Variants in SLC35F1 observed in about 807,000 individuals in gnomAD.
SLC35F1 encodes chromosome 6 open reading frame 169.
A neutral mutation model predicts 48.7 loss-of-function variants in SLC35F1; 14 were observed. The observed-to-expected ratio is 0.29, with a 90% confidence interval of 0.19 to 0.45. The LOEUF is 0.45. Ranked by LOEUF, SLC35F1 falls within the 20% of genes least tolerant of loss-of-function variation. The pLI is 1.00. For missense variants in SLC35F1, 404 were observed against 500.0 expected, an observed-to-expected ratio of 0.81 and a Z score of 1.83; for synonymous variants, 190 against 202.2, an observed-to-expected ratio of 0.94 and a Z score of 0.51.
At chr6:118,091,308 A>G (rs1213185905) in intron 1 of SLC35F1, among the ~76,000 whole-genome samples, 1 of 152,178 alleles carries the variant, frequency 6.6e-6, no homozygotes, top group African/African-American at 2.4e-5. Flanking sequence ...TGTAGTTCTT[A>G]TAGTCCCTGT....
intron 1 of SLC35F1, among the ~76,000 whole-genome samples, chr6:118,033,982 A>C (rs1772090636): frequency 6.6e-6 from 1 of 152,230 alleles, no homozygotes; most frequent in Non-Finnish European, 1.5e-5. Context: ...AGTTAACAGG[A>C]GGCAGCAGCT....
intron 1 of SLC35F1, among the ~76,000 whole-genome samples, chr6:118,144,587 T>TA (rs59175140): frequency 0.51 from 70,556 of 137,794 alleles, 18,365 homozygotes; most frequent in Middle Eastern, 0.62. Flanking sequence ...TCCCAGAACT[T>TA]AAAAAAAAAA....
chr6:117,933,501 A>C (rs771479615), intron 1 of SLC35F1, among the ~76,000 whole-genome samples: 4 of 152,214 alleles, frequency 2.6e-5, no homozygotes, highest in African/African-American at 4.8e-5. Context: ...CCTCCCAAAA[A>C]GAATAGTGGA....
chr6:118,039,808 G>GGTTTTTTTTTTTTTTTTT (rs1772187083), intron 1 of SLC35F1, among the ~76,000 whole-genome samples: 1 of 119,204 alleles, frequency 8.4e-6, no homozygotes, highest in African/African-American at 3.1e-5. Flanking sequence ...TGTTTTTTTT[G>GGTTTTTTTTTTTTTTTTT]TTTTTTTTTT....
rs370153586 is a variant in SLC35F1 at position 118,034,130 on chromosome 6, AT to A, written c.174-120307del. ...ACTTGTTATCCTAGCAAGGATAGCA[AT>A]TTTTTTTGTGTAAAGACAGAGTGTA... On this transcript the variant is annotated intron_variant, in intron 1 of 7. Coordinates refer to ENST00000360388, the MANE Select transcript of SLC35F1 (RefSeq NM_001029858.4). Among the ~76,000 whole-genome samples, 529 of 152,134 alleles carry A rather than the reference AT, an allele frequency of 3.5e-3. 4 individuals are homozygous for A. The highest frequency in any genetic ancestry group is 0.012 in the African/African-American group (512 of 41,508).
intron 1 of SLC35F1, among the ~76,000 whole-genome samples, chr6:117,990,536 C>G (rs17079611): frequency 6.6e-6 from 1 of 152,154 alleles, no homozygotes; most frequent in African/African-American, 2.4e-5. Flanking sequence ...TAGTGCAGCT[C>G]AAGGCAACTC....
intron 1 of SLC35F1, among the ~76,000 whole-genome samples, chr6:118,055,950 G>A (rs960425480): frequency 1.3e-5 from 2 of 152,204 alleles, no homozygotes; most frequent in African/African-American, 4.8e-5. Flanking sequence ...CCTGTAGTCA[G>A]CATTTCAGAA....
At chr6:118,260,530 T>A (rs1013452626) in intron 3 of SLC35F1, among the ~76,000 whole-genome samples, 5 of 152,080 alleles carry the variant, frequency 3.3e-5, no homozygotes, top group Admixed American at 3.3e-4. Context: ...AGGGACAGTT[T>A]TATCTACCTT....
chr6:118,205,813 G>A (rs145432764), intron 2 of SLC35F1, among the ~76,000 whole-genome samples: 44 of 152,308 alleles, frequency 2.9e-4, no homozygotes, highest in African/African-American at 1.0e-3. Context: ...ACAAAAGAAT[G>A]ATATTTTCAT....
chr6:118,174,811 A>G (rs961745640), intron 2 of SLC35F1, among the ~76,000 whole-genome samples: 2 of 152,144 alleles, frequency 1.3e-5, no homozygotes, highest in Non-Finnish European at 2.9e-5. Context: ...AAAAAAATGC[A>G]TTACACAAAG....
At chr6:118,244,870 C>T (rs1775486843) in intron 3 of SLC35F1, among the ~76,000 whole-genome samples, 1 of 152,160 alleles carries the variant, frequency 6.6e-6, no homozygotes, top group Admixed American at 6.5e-5. Context: ...AAAAATATAT[C>T]AAACGTTTGA....
At chr6:117,921,053 GACACACACACACACACACACACACAC>G (rs60793418) in intron 1 of SLC35F1, among the ~76,000 whole-genome samples, 1 of 149,392 alleles carries the variant, frequency 6.7e-6, no homozygotes, top group East Asian at 2.0e-4. Flanking sequence ...ATTTCTCTTT[GACACACACACACACACACACACACAC>G]ACACACACAC....
chr6:118,008,637 C>A (rs1240568716), intron 1 of SLC35F1, among the ~76,000 whole-genome samples: 1 of 152,128 alleles, frequency 6.6e-6, no homozygotes, highest in Non-Finnish European at 1.5e-5. Flanking sequence ...ATTTAGCTCA[C>A]AATTCAGGAT....
chr6:117,911,416 TCCCTCCCTC>T (rs1775761914), intron 1 of SLC35F1, among the ~76,000 whole-genome samples: 1 of 15,950 alleles, frequency 6.3e-5, no homozygotes, highest in African/African-American at 2.5e-4. Context: ...CCTCCCTCCC[TCCCTCCCTC>T]CCTTCCTTCC....
chr6:118,063,676 G>T (rs979023148), intron 1 of SLC35F1, among the ~76,000 whole-genome samples: 3 of 151,936 alleles, frequency 2.0e-5, no homozygotes, highest in Non-Finnish European at 2.9e-5. Flanking sequence ...AGGATTACTG[G>T]GAGTAACTGA....
At position 117,914,839 on chromosome 6, in the gene SLC35F1, T is replaced by C. The variant is rs140332836; in HGVS notation, c.173+6940T>C. The stretch of plus-strand genomic sequence containing the variant: ...ATAATAAAATTACTCAACGTCTACA[T>C]AGATTCAAGAAGCAGACCTTTTTTG... On this transcript the variant is annotated intron_variant, in intron 1 of 7. Coordinates refer to ENST00000360388, the MANE Select transcript of SLC35F1 (RefSeq NM_001029858.4). Among the ~76,000 whole-genome samples, 1,379 of 152,160 alleles carry C rather than the reference T, an allele frequency of 9.1e-3. 22 individuals carry two copies. Among genetic ancestry groups the C allele is most frequent in the African/African-American group, 0.032 (1,314 of 41,496 alleles).
At chr6:118,235,181 T>G (rs1389574796) in intron 2 of SLC35F1, among the ~76,000 whole-genome samples, 2 of 152,212 alleles carry the variant, frequency 1.3e-5, no homozygotes, top group Non-Finnish European at 2.9e-5. Context: ...TATGCAGCCT[T>G]TCTGGTACAC....
intron 1 of SLC35F1, among the ~76,000 whole-genome samples, chr6:118,037,806 G>T (rs564338028): frequency 6.6e-6 from 1 of 151,630 alleles, no homozygotes; most frequent in African/African-American, 2.4e-5. Context: ...ACTCATAAAC[G>T]GGAATTGAAC....
At chr6:117,988,635 T>C (rs1273512728) in intron 1 of SLC35F1, among the ~76,000 whole-genome samples, 1 of 152,236 alleles carries the variant, frequency 6.6e-6, no homozygotes, top group South Asian at 2.1e-4. Flanking sequence ...TTGACCAGCC[T>C]GACCATTAAC....
Sources: gnomAD v4.1 joint callset for allele counts (sites outside exome capture counted in the v4.1 genomes callset) on GRCh38, gnomAD v4.1.1 for gene constraint, MANE v1.5 for transcripts, NCBI Gene and HGNC (gene_info 2026-07-23, HGNC 2026-07-21) for gene names.